Variants in LMO7 observed in about 807,000 individuals in gnomAD.
LMO7 encodes the protein LIM domain 7, also known as LIM domain only protein 7.
In LMO7, 120 loss-of-function variants were observed where a neutral mutation model predicts 206.5. The observed-to-expected ratio is 0.58, with a 90% CI of 0.50 to 0.68. The LOEUF (loss-of-function observed/expected upper bound fraction) is 0.68. Among genes scored for constraint, LMO7 ranks in the 30% least tolerant of loss-of-function variants. LMO7 has a pLI of 0.00. For synonymous variants in LMO7, 706 were observed against 681.5 expected (o/e 1.04, Z -0.56); for missense variants, 1,959 against 1,957.9 (o/e 1.00, Z -0.01).
At chr13:75,760,739 A>G (rs547343919) in intron 3 of LMO7, 193 bp from the exon 4 acceptor site, 3 of 1,535,798 alleles carry the variant, frequency 2.0e-6, no homozygotes, top group East Asian at 2.4e-5. Context: ...ACGACTGTGT[A>G]TGCTCTGGAG....
At chr13:75,628,778 A>G (rs997970145) in intron 2 of LMO7, among the ~76,000 whole-genome samples, 3 of 152,178 alleles carry the variant, frequency 2.0e-5, no homozygotes, top group Admixed American at 6.6e-5. Context: ...CTCTTCTCTT[A>G]TAATCTTTGT....
intron 11 of LMO7, among the ~76,000 whole-genome samples, chr13:75,815,176 A>C (rs2056849090): frequency 6.6e-6 from 1 of 152,112 alleles, no homozygotes; most frequent in Non-Finnish European, 1.5e-5. Context: ...TGATTATTAT[A>C]ATAATTGTAA....
At chr13:75,849,984 G>A (rs2060352409) in intron 27 of LMO7, among the ~76,000 whole-genome samples, 1 of 152,082 alleles carries the variant, frequency 6.6e-6, no homozygotes, top group Non-Finnish European at 1.5e-5. Flanking sequence ...ATAAAAAATA[G>A]ATGTGTGCCT....
chr13:75,669,982 T>TGC (rs2039412069), intron 1 of LMO7, among the ~76,000 whole-genome samples: 1 of 152,188 alleles, frequency 6.6e-6, no homozygotes, highest in Non-Finnish European at 1.5e-5. Flanking sequence ...GCCTGCTTAT[T>TGC]CTGAGGTCCC....
intron 1 of LMO7, among the ~76,000 whole-genome samples, chr13:75,709,854 T>G (rs2042947921): frequency 6.6e-6 from 1 of 151,024 alleles, no homozygotes; most frequent in South Asian, 2.1e-4. Flanking sequence ...TTTGGTGTTT[T>G]AGACATGAAG....
At chr13:75,739,916 G>T (rs927704976) in intron 3 of LMO7, among the ~76,000 whole-genome samples, 13 of 152,254 alleles carry the variant, frequency 8.5e-5, no homozygotes, top group Admixed American at 6.5e-4. Context: ...TTCCAAAATT[G>T]AAACCAAGAG....
Position 75,742,528 on chromosome 13 carries a change from T to A in LMO7, c.210+15430T>A, listed in dbSNP as rs142361804. Among the ~76,000 whole-genome samples the A allele has an allele frequency of 8.1e-3, 1,240 of 152,204 alleles. 6 individuals are homozygous for A. The highest frequency in any genetic ancestry group is 0.014 in the Middle Eastern group (4 of 294). Reference sequence around the variant, plus strand: ...ATGTTATGGTACAAAAACAGACACATAGACCAATGGAACAGAATAGAGGGC... The same window carrying A: ...ATGTTATGGTACAAAAACAGACACAAAGACCAATGGAACAGAATAGAGGGC... On this transcript the variant is annotated intron_variant, in intron 3 of 30. Transcript: ENST00000377534.
chr13:75,727,336 T>C (rs1342120319), intron 3 of LMO7, among the ~76,000 whole-genome samples: 2 of 151,864 alleles, frequency 1.3e-5, no homozygotes, highest in Non-Finnish European at 2.9e-5. Context: ...TAGATGTATA[T>C]TTAAATGGCA....
intron 1 of LMO7, among the ~76,000 whole-genome samples, chr13:75,663,432 CTTTTTTTT>C (rs1178254643): frequency 9.0e-6 from 1 of 111,408 alleles, no homozygotes; most frequent in Non-Finnish European, 1.7e-5. Context: ...TTCTTTCTTT[CTTTTTTTT>C]TTTTTTTTGA....
At chr13:75,718,330 G>C (rs1361632639) in intron 2 of LMO7, among the ~76,000 whole-genome samples, 2 of 152,128 alleles carry the variant, frequency 1.3e-5, no homozygotes, top group Non-Finnish European at 2.9e-5. Flanking sequence ...TAAAGTTGAG[G>C]GTTGAAATCC....
At chr13:75,732,270 C>T (rs1378613259) in intron 3 of LMO7, among the ~76,000 whole-genome samples, 1 of 152,202 alleles carries the variant, frequency 6.6e-6, no homozygotes, top group East Asian at 1.9e-4. Flanking sequence ...ACCAGTCAGA[C>T]ATAGATTTGG....
chr13:75,740,752 G>A (rs1801611058), intron 3 of LMO7, among the ~76,000 whole-genome samples: 1 of 152,194 alleles, frequency 6.6e-6, no homozygotes, highest in Non-Finnish European at 1.5e-5. Flanking sequence ...GATTCTGGCT[G>A]TCATGACCTC....
chr13:75,626,595 A>ATATATATATATTTTTTTTTTTTT, intron 2 of LMO7, among the ~76,000 whole-genome samples: 1 of 71,098 alleles, frequency 1.4e-5, no homozygotes, highest in Non-Finnish European at 3.6e-5. Flanking sequence ...ATATATATAA[A>ATATATATATATTTTTTTTTTTTT]TTTTTTTGAG....
rs117293384 is a variant in LMO7, at chr13:75,727,225, G to C, written c.210+127G>C. On this transcript the variant is annotated intron_variant, in intron 3 of 30. Coordinates refer to ENST00000377534, the MANE Select transcript of LMO7 (RefSeq NM_001306080.2). Reference sequence around the variant, plus strand: ...GTTATGGTTTTTTTGCTGAAGCAAAGTGTGTTTGGTGATGTCCTCCTTTTA... The same window carrying C: ...GTTATGGTTTTTTTGCTGAAGCAAACTGTGTTTGGTGATGTCCTCCTTTTA... 567 of 553,714 alleles carry C rather than the reference G, an allele frequency of 1.0e-3. 9 individuals carry two copies. In the East Asian group the frequency reaches 0.015, roughly 15 times the overall value. 34.3% of individuals were successfully genotyped at this position (553,714 alleles called of 1,614,324 possible). A position where few individuals can be genotyped will look rare whatever the true frequency, so the allele number is the denominator to read the frequency against.
intron 7 of LMO7, among the ~76,000 whole-genome samples, chr13:75,803,940 T>C (rs963361219): frequency 5.3e-5 from 8 of 152,234 alleles, no homozygotes; most frequent in African/African-American, 1.9e-4. Flanking sequence ...TTGTTTTAAG[T>C]ATCTGTGACT....
intron 1 of LMO7, among the ~76,000 whole-genome samples, chr13:75,667,382 A>G (rs950164003): frequency 2.0e-5 from 3 of 152,056 alleles, no homozygotes; most frequent in Non-Finnish European, 1.5e-5. Context: ...CTGGGTCACC[A>G]ATTGTTATCC....
chr13:75,851,540 T>C (rs79869458), intron 27 of LMO7, among the ~76,000 whole-genome samples: 17,223 of 152,210 alleles, frequency 0.11, 1,302 homozygotes, highest in African/African-American at 0.22. Context: ...CTCCTTATGA[T>C]AATGTATCAC....
intron 9 of LMO7, 55 bp from the exon 10 acceptor site, chr13:75,807,425 C>A: frequency 6.4e-7 from 1 of 1,570,286 alleles, no homozygotes; most frequent in Non-Finnish European, 8.6e-7. Flanking sequence ...TGCTAATTAC[C>A]TTTTCTCCCT....
intron 1 of LMO7, among the ~76,000 whole-genome samples, chr13:75,647,108 T>C (rs2037099776): frequency 6.6e-6 from 1 of 152,208 alleles, no homozygotes; most frequent in South Asian, 2.1e-4. Flanking sequence ...TGTTTTTGTT[T>C]ATTCCGCTAT....
Sources: gnomAD v4.1 joint callset for allele counts (sites outside exome capture counted in the v4.1 genomes callset) on GRCh38, gnomAD v4.1.1 for gene constraint, MANE v1.5 for transcripts, NCBI Gene and HGNC (gene_info 2026-07-23, HGNC 2026-07-21) for gene names.